The following CADPS variants were observed in gnomAD, a reference collection of about 807,000 sequenced individuals.
CADPS encodes calcium-dependent secretion activator 1.
Under a neutral mutation model 167.3 loss-of-function variants are expected in CADPS, and 57 were observed. That is an observed-to-expected ratio of 0.34 (90% CI 0.28 to 0.42). CADPS has a LOEUF of 0.42. Among genes scored for constraint, CADPS ranks in the 20% least tolerant of loss-of-function variants. The pLI is 1.00. For missense variants in CADPS, 1,414 were observed against 1,738.1 expected, an observed-to-expected ratio of 0.81 and a Z score of 3.32; for synonymous variants, 676 against 635.3, an observed-to-expected ratio of 1.06 and a Z score of -0.96.
At chr3:62,404,123 C>T (rs574434072) in intron 28 of CADPS, 5 of 152,280 alleles carry the variant, frequency 3.3e-5, no homozygotes, top group South Asian at 2.1e-4. Flanking sequence ...GGTTTCATTA[C>T]GCTCTGCCGC....
chr3:62,648,322 G>A (rs184306791), intron 5 of CADPS, among the ~76,000 whole-genome samples: 213 of 152,262 alleles, frequency 1.4e-3, no homozygotes, highest in African/African-American at 4.6e-3. Context: ...TAGGAGTACG[G>A]ACTTGTCTAC....
At chr3:62,540,762 A>ACAGT (rs1256913257) in intron 11 of CADPS, among the ~76,000 whole-genome samples, 1 of 152,154 alleles carries the variant, frequency 6.6e-6, no homozygotes, top group Non-Finnish European at 1.5e-5. Context: ...GCAACACCAT[A>ACAGT]CAGTCATTCT....
At position 62,408,070 on chromosome 3, in the gene CADPS, T is replaced by A. The variant is rs115232359; in HGVS notation, c.3778-4885A>T. 9.0e-3 allele frequency among the ~76,000 whole-genome samples: 1,376 copies of A among 152,278 alleles called. 29 individuals are homozygous for A. Among genetic ancestry groups the A allele is most frequent in the African/African-American group, 0.032 (1,315 of 41,552 alleles). ...CTTTCAATATGTGACAGAAAGACAT[T>A]TTTTTGATCCTCCCTTTCTAGTAAG... is the stretch of plus-strand genomic sequence containing the variant. On this transcript the variant is annotated intron_variant, in intron 28 of 29. Coordinates refer to ENST00000383710, the MANE Select transcript of CADPS (RefSeq NM_003716.4).
intron 23 of CADPS, among the ~76,000 whole-genome samples, chr3:62,475,364 G>T (rs2061137751): frequency 6.6e-6 from 1 of 152,044 alleles, no homozygotes; most frequent in East Asian, 1.9e-4. Flanking sequence ...GGCCCCATTT[G>T]CCTGATGCAT....
At chr3:62,496,766 T>C (rs2064874020) in intron 18 of CADPS, among the ~76,000 whole-genome samples, 1 of 152,218 alleles carries the variant, frequency 6.6e-6, no homozygotes, top group African/African-American at 2.4e-5. Flanking sequence ...TGCGTTCTAT[T>C]GCTTGAAGGA....
At chr3:62,805,753 C>G (rs866092307) in intron 1 of CADPS, among the ~76,000 whole-genome samples, 2 of 152,150 alleles carry the variant, frequency 1.3e-5, no homozygotes, top group Admixed American at 1.3e-4. Context: ...AGCTTCCTTG[C>G]CTGATGCTTT....
At chr3:62,570,447 T>C (rs947506117) in intron 9 of CADPS, among the ~76,000 whole-genome samples, 1 of 152,172 alleles carries the variant, frequency 6.6e-6, no homozygotes, top group Non-Finnish European at 1.5e-5. Context: ...CTATCTCAGT[T>C]CTTTTCAAAA....
chr3:62,472,416 G>A lies in CADPS; in HGVS notation c.3477+1757C>T, dbSNP rs149637813. 5.5e-3 allele frequency among the ~76,000 whole-genome samples: 832 copies of A among 152,254 alleles called. 8 individuals are homozygous for A. The highest frequency in any genetic ancestry group is 0.019 in the African/African-American group (786 of 41,550). ...AAAATTAAGGAGGAACAGGATTCTGGAAAATATGAACTCAAAGGGATCTCA... is the reference window on the plus strand; with the variant it reads ...AAAATTAAGGAGGAACAGGATTCTGAAAAATATGAACTCAAAGGGATCTCA... On this transcript the variant is annotated intron_variant, in intron 24 of 29. Coordinates refer to ENST00000383710, the MANE Select transcript of CADPS (RefSeq NM_003716.4).
intron 1 of CADPS, among the ~76,000 whole-genome samples, chr3:62,827,920 C>T (rs2152970943): frequency 6.6e-6 from 1 of 152,302 alleles, no homozygotes; most frequent in South Asian, 2.1e-4. Context: ...TGATCTTCAT[C>T]ATGATCCTAT....
rs569587253 is a variant in CADPS, at chr3:62,517,122, G to A, written c.2394-479C>T. Among the ~76,000 whole-genome samples, 5 of 152,164 alleles carry A rather than the reference G, an allele frequency of 3.3e-5. No individual in the cohort carries two copies. In the South Asian group the frequency reaches 1.0e-3, roughly 32 times the overall value. Reference sequence around the variant, plus strand: ...CCTTCCCTGCTTGCGGTTTCCTATTGTTATGGACCGTCTGCTACCGGTAAT... The same window carrying A: ...CCTTCCCTGCTTGCGGTTTCCTATTATTATGGACCGTCTGCTACCGGTAAT... On this transcript the variant is annotated intron_variant, in intron 14 of 29. Transcript: ENST00000383710.
chr3:62,750,225 C>T (rs2082385816), intron 3 of CADPS, among the ~76,000 whole-genome samples: 1 of 151,688 alleles, frequency 6.6e-6, no homozygotes, highest in Non-Finnish European at 1.5e-5. Flanking sequence ...GTGGCACGTG[C>T]CTGTAATCCC....
Position 62,458,844 on chromosome 3 carries a change from C to G in CADPS, c.3636+6523G>C, listed in dbSNP as rs1236217332. Among the ~76,000 whole-genome samples the G allele has an allele frequency of 1.3e-5, 2 of 152,204 alleles. No homozygotes were observed. The highest frequency in any genetic ancestry group is 2.9e-5 in the Non-Finnish European group (2 of 68,038). ...TAGACCACACAGTCTGGAGAAAATA[C>G]TGTGTGTGTCTTATGTTTGCTTTGA... On this transcript the variant is annotated intron_variant, in intron 26 of 29. Transcript: ENST00000383710. This position sits in a 1 kb window ranked among gnomAD's most constrained non-coding sequence, Gnocchi z 4.6.
intron 3 of CADPS, among the ~76,000 whole-genome samples, chr3:62,746,374 C>T (rs1312233148): frequency 6.6e-6 from 1 of 152,174 alleles, no homozygotes; most frequent in Non-Finnish European, 1.5e-5. Flanking sequence ...CTCTCTCAGC[C>T]AGGCTGGAGT....
At chr3:62,676,437 A>C (rs10510885) in intron 3 of CADPS, among the ~76,000 whole-genome samples, 9,425 of 152,208 alleles carry the variant, frequency 0.062, 336 homozygotes, top group South Asian at 0.094. Flanking sequence ...TTTATCATTC[A>C]ACCTGTAATG....
chr3:62,512,565 A>G (rs767191677), intron 17 of CADPS, among the ~76,000 whole-genome samples, 186 bp downstream of exon 17: 1 of 152,170 alleles, frequency 6.6e-6, no homozygotes, highest in Non-Finnish European at 1.5e-5. Flanking sequence ...ATTCTGCTCT[A>G]TAAAGGTCAA....
At position 62,446,599 on chromosome 3, in the gene CADPS, AGGTTGATAAG is replaced by A. The variant is rs2057265161; in HGVS notation, c.3637-812_3637-803del. 6.6e-6 allele frequency among the ~76,000 whole-genome samples: 1 copy of A among 152,166 alleles called. No individual in the cohort carries two copies. The highest frequency in any genetic ancestry group is 2.4e-5 in the African/African-American group (1 of 41,432). ...TATTAGTAATAGTGCTTATTTCCGC[AGGTTGATAAG>A]GGTGAATTCACACTTAGCCCCAGGA... On this transcript the variant is annotated intron_variant, in intron 26 of 29. Coordinates refer to ENST00000383710, the MANE Select transcript of CADPS (RefSeq NM_003716.4). The surrounding 1 kb of genome is among the most constrained non-coding windows in gnomAD (Gnocchi z 4.9).
chr3:62,666,897 A>T (rs1332532130), intron 3 of CADPS, among the ~76,000 whole-genome samples: 1 of 152,208 alleles, frequency 6.6e-6, no homozygotes, highest in Non-Finnish European at 1.5e-5. Context: ...AACCTTGTCA[A>T]GTTTCTTAAC....
chr3:62,869,442 C>T (rs547983665), intron 1 of CADPS, among the ~76,000 whole-genome samples: 4 of 152,222 alleles, frequency 2.6e-5, no homozygotes, highest in African/African-American at 9.6e-5. Flanking sequence ...CACATTTCTG[C>T]TACCTAGTGT....
intron 6 of CADPS, among the ~76,000 whole-genome samples, chr3:62,616,038 C>G (rs1001118138): frequency 6.6e-6 from 1 of 152,052 alleles, no homozygotes; most frequent in Admixed American, 6.6e-5. Flanking sequence ...TTTCCTTTGC[C>G]TACAAATGTT....
Sources: allele counts gnomAD v4.1 joint callset (sites outside exome capture counted in the v4.1 genomes callset), GRCh38; gene constraint gnomAD v4.1.1; non-coding constraint Gnocchi (gnomAD v3.1); transcripts MANE v1.5; gene names NCBI Gene and HGNC (gene_info 2026-07-23, HGNC 2026-07-21).